Variants in SGCD observed in about 807,000 individuals in gnomAD.
The protein encoded by SGCD is sarcoglycan delta, also known as delta-sarcoglycan.
Under a neutral mutation model 36.6 loss-of-function variants are expected in SGCD, and 18 were observed. That is an observed-to-expected ratio of 0.49 (90% CI 0.34 to 0.73). SGCD has a LOEUF of 0.73. Among genes scored for constraint, SGCD ranks in the 30% least tolerant of loss-of-function variants. SGCD has a pLI of 0.01. For missense variants in SGCD, 387 were observed against 346.7 expected, an observed-to-expected ratio of 1.12 and a Z score of -0.92; for synonymous variants, 133 against 130.6, an observed-to-expected ratio of 1.02 and a Z score of -0.12.
chr5:155,913,465 C>T (rs1292990005), intron 1 of SGCD, among the ~76,000 whole-genome samples: 1 of 151,336 alleles, frequency 6.6e-6, no homozygotes, highest in Non-Finnish European at 1.5e-5. Flanking sequence ...TTTAGGGAAC[C>T]TTTTAGGGAA....
intron 3 of SGCD, among the ~76,000 whole-genome samples, chr5:156,174,634 C>A (rs1172082939): frequency 6.6e-6 from 1 of 152,170 alleles, no homozygotes; most frequent in South Asian, 2.1e-4. Context: ...TCTATTAATG[C>A]TTTCTTTCAC....
chr5:155,986,826 C>T (rs1227582692), intron 1 of SGCD, among the ~76,000 whole-genome samples: 1 of 152,050 alleles, frequency 6.6e-6, no homozygotes, highest in Non-Finnish European at 1.5e-5. Context: ...AATTTTATAT[C>T]AAATCAAAGT....
At chr5:156,634,794 A>T (rs1035232985) in intron 6 of SGCD, among the ~76,000 whole-genome samples, 1 of 152,172 alleles carries the variant, frequency 6.6e-6, no homozygotes. Flanking sequence ...AACATCAAGG[A>T]TATGCAAAGG....
At chr5:155,772,526 T>A in the SGCD span, among the ~76,000 whole-genome samples, 1 of 152,106 alleles carries the variant, frequency 6.6e-6, no homozygotes, top group Admixed American at 6.5e-5. Context: ...AATCCCTGCT[T>A]TTGACCACGT....
intron 3 of SGCD, among the ~76,000 whole-genome samples, chr5:156,211,432 C>T (rs1262131919): frequency 1.3e-5 from 2 of 151,852 alleles, no homozygotes; most frequent in African/African-American, 2.4e-5. Context: ...ACAGTGAAAC[C>T]CCGTCTCTAC....
At chr5:155,795,385 A>T in the SGCD span, among the ~76,000 whole-genome samples, 3 of 152,170 alleles carry the variant, frequency 2.0e-5, no homozygotes, top group African/African-American at 7.2e-5. Flanking sequence ...AATCAAATTG[A>T]TGGTAAATTT....
rs183056261 is a variant in SGCD at position 156,396,527 on chromosome 5, C to A, written c.192+51850C>A. On this transcript the variant is annotated intron_variant, in intron 3 of 8. Transcript: ENST00000337851. ...GAAAATATTTCATGCCCTTGTTGGA[C>A]TTCTCAACCGAGGGATGCTGAGCTT... Among the ~76,000 whole-genome samples the A allele has an allele frequency of 8.9e-4, 136 of 152,226 alleles. 1 individual carries two copies. The highest frequency in any genetic ancestry group is 3.2e-3 in the African/African-American group (132 of 41,528).
At chr5:155,832,548 T>A in the SGCD span, among the ~76,000 whole-genome samples, 21 of 152,288 alleles carry the variant, frequency 1.4e-4, 1 homozygote, top group African/African-American at 1.4e-4. Flanking sequence ...CCAAGCCCCA[T>A]CTTTAGGACT....
chr5:156,510,551 T>C (rs573172245), intron 4 of SGCD, among the ~76,000 whole-genome samples: 3 of 152,206 alleles, frequency 2.0e-5, no homozygotes, highest in Non-Finnish European at 4.4e-5. Flanking sequence ...TCTATGGATG[T>C]TGGCATACCT....
At chr5:156,591,798 C>T (rs994799848) in intron 5 of SGCD, among the ~76,000 whole-genome samples, 5 of 152,138 alleles carry the variant, frequency 3.3e-5, no homozygotes, top group African/African-American at 9.7e-5. Context: ...GCTCCATTTG[C>T]ATTTTTCTCT....
chr5:155,894,375 T>C (rs1274527207), intron 1 of SGCD, among the ~76,000 whole-genome samples: 1 of 152,164 alleles, frequency 6.6e-6, no homozygotes, highest in Non-Finnish European at 1.5e-5. Flanking sequence ...GAAACATCAT[T>C]ATGAGGTGCG....
At chr5:156,028,687 A>G (rs2127575028) in intron 1 of SGCD, among the ~76,000 whole-genome samples, 1 of 152,318 alleles carries the variant, frequency 6.6e-6, no homozygotes, top group South Asian at 2.1e-4. Flanking sequence ...CAGTGATCCT[A>G]GATGAGCCAT....
chr5:156,385,845 A>G (rs2127751147), intron 3 of SGCD, among the ~76,000 whole-genome samples: 1 of 152,338 alleles, frequency 6.6e-6, no homozygotes, highest in Admixed American at 6.5e-5. Context: ...GCACTGTGCT[A>G]AGTGATATTT....
chr5:156,493,853 C>A (rs1200180907), intron 3 of SGCD, among the ~76,000 whole-genome samples: 1 of 152,050 alleles, frequency 6.6e-6, no homozygotes, highest in Non-Finnish European at 1.5e-5. Context: ...TCACCTTCTG[C>A]TAGGAAATGT....
At chr5:156,043,702 T>C (rs1291210766) in intron 1 of SGCD, among the ~76,000 whole-genome samples, 3 of 152,198 alleles carry the variant, frequency 2.0e-5, no homozygotes, top group Non-Finnish European at 4.4e-5. Flanking sequence ...CTTTGTATTG[T>C]AAATTAACAA....
chr5:156,536,897 C>T (rs1758137487), intron 4 of SGCD, among the ~76,000 whole-genome samples: 1 of 152,148 alleles, frequency 6.6e-6, no homozygotes, highest in African/African-American at 2.4e-5. Context: ...CCCTCATCAT[C>T]TTCTGATGTG....
chr5:155,796,658 C>A, the SGCD span, among the ~76,000 whole-genome samples: 1 of 151,154 alleles, frequency 6.6e-6, no homozygotes, highest in Non-Finnish European at 1.5e-5. Context: ...ACAAAAAAAT[C>A]AGCTGGGTGT....
At chr5:156,275,985 T>C (rs1246643224) in intron 3 of SGCD, among the ~76,000 whole-genome samples, 1 of 152,142 alleles carries the variant, frequency 6.6e-6, no homozygotes, top group African/African-American at 2.4e-5. Flanking sequence ...AGTGTCAGTT[T>C]CGGGTATTAT....
At chr5:156,202,476 T>TA (rs781446992) in intron 3 of SGCD, among the ~76,000 whole-genome samples, 25 of 152,146 alleles carry the variant, frequency 1.6e-4, no homozygotes, top group African/African-American at 5.8e-4. Context: ...TTGCAGTTGT[T>TA]ATAGTTTGTT....
Sources: gnomAD v4.1 joint callset for allele counts (sites outside exome capture counted in the v4.1 genomes callset) on GRCh38, gnomAD v4.1.1 for gene constraint, MANE v1.5 for transcripts, NCBI Gene and HGNC (gene_info 2026-07-23, HGNC 2026-07-21) for gene names.